STK39: variants seen among roughly 807,000 people sequenced by gnomAD.
The protein encoded by STK39 is STE20/SPS1-related proline-alanine-rich protein kinase.
In STK39, 20 loss-of-function variants were observed where a neutral mutation model predicts 77.8. The observed-to-expected ratio is 0.26, with a 90% CI of 0.18 to 0.37. The LOEUF is 0.37. Ranked by LOEUF, STK39 falls within the 10% of genes least tolerant of loss-of-function variation. The probability of loss-of-function intolerance (pLI) is 1.00; values close to 1 mark genes in which losing one functional copy is unlikely to be tolerated. For synonymous variants in STK39, 246 were observed against 234.1 expected, an observed-to-expected ratio of 1.05 and a Z score of -0.47; for missense variants, 479 against 656.5, an observed-to-expected ratio of 0.73 and a Z score of 2.95.
chr2:167,958,676 T>C (rs1691851978), intron 17 of STK39, among the ~76,000 whole-genome samples: 1 of 152,212 alleles, frequency 6.6e-6, no homozygotes, highest in Non-Finnish European at 1.5e-5. Flanking sequence ...GGAAGAGTAT[T>C]TTGATAGCTT....
chr2:168,176,390 G>T (rs12613885), intron 2 of STK39, among the ~76,000 whole-genome samples: 20,561 of 151,928 alleles, frequency 0.14, 1,717 homozygotes, highest in East Asian at 0.24. Flanking sequence ...AATTTAAAAA[G>T]GATGAGAGCA....
chr2:168,140,903 A>C (rs1222549453), intron 5 of STK39, 145 bp from the exon 6 acceptor site: 1 of 633,304 alleles, frequency 1.6e-6, no homozygotes, highest in African/African-American at 1.9e-5. Flanking sequence ...CTCAGGAAAA[A>C]AAAGGAAGAC....
chr2:167,991,812 T>C (rs2105283551), intron 16 of STK39, among the ~76,000 whole-genome samples: 1 of 152,296 alleles, frequency 6.6e-6, no homozygotes, highest in African/African-American at 2.4e-5. Flanking sequence ...TGATCTTGTA[T>C]TAAACCTTTA....
At chr2:168,234,332 TA>T (rs1281890241) in intron 1 of STK39, among the ~76,000 whole-genome samples, 2 of 152,238 alleles carry the variant, frequency 1.3e-5, no homozygotes, top group Non-Finnish European at 2.9e-5. Context: ...GTGGCCAGTG[TA>T]ACCGAAGGAC....
intron 4 of STK39, 34 bp from the exon 5 acceptor site, chr2:168,161,876 G>C: frequency 6.5e-7 from 1 of 1,535,404 alleles, no homozygotes; most frequent in East Asian, 2.3e-5. Flanking sequence ...TAAATTGTAG[G>C]GTACAGACTT....
At chr2:167,960,562 T>C (rs1691924580) in intron 17 of STK39, among the ~76,000 whole-genome samples, 1 of 152,150 alleles carries the variant, frequency 6.6e-6, no homozygotes, top group Non-Finnish European at 1.5e-5. Context: ...AGGGACCTAA[T>C]GTGACAGCGT....
intron 4 of STK39, 40 bp downstream of exon 4, chr2:168,163,699 T>C: frequency 6.2e-7 from 1 of 1,612,672 alleles, no homozygotes; most frequent in Middle Eastern, 1.7e-4. Context: ...CTCTTTAAGA[T>C]ATGAACATCT....
chr2:168,070,692 G>A (rs541702132), intron 12 of STK39, among the ~76,000 whole-genome samples: 10 of 149,452 alleles, frequency 6.7e-5, no homozygotes, highest in African/African-American at 1.7e-4. Context: ...GAGAACATGC[G>A]GTGTTTGGTT....
chr2:167,985,394 A>G (rs560058801), intron 16 of STK39, among the ~76,000 whole-genome samples: 63 of 152,322 alleles, frequency 4.1e-4, no homozygotes, highest in African/African-American at 1.4e-3. Context: ...TAGCAGTGGA[A>G]AAGCAGCTTG....
chr2:168,085,902 C>T (rs778602741), intron 10 of STK39, among the ~76,000 whole-genome samples: 18 of 152,294 alleles, frequency 1.2e-4, no homozygotes, highest in South Asian at 6.2e-4. Context: ...GAATACTCAA[C>T]GGTTGAAGTC....
chr2:168,073,544 CACA>C (rs1348481030), intron 12 of STK39, among the ~76,000 whole-genome samples: 2 of 152,134 alleles, frequency 1.3e-5, no homozygotes, highest in South Asian at 2.1e-4. Flanking sequence ...GAAAACTTAG[CACA>C]ACATCTGTGT....
chr2:168,226,506 C>T lies in STK39; in HGVS notation c.208+20722G>A, dbSNP rs146260399. 5.9e-4 allele frequency among the ~76,000 whole-genome samples: 90 copies of T among 152,286 alleles called. 1 individual carries two copies. The East Asian group carries it at 6.2e-3, about 10-fold the overall frequency. On this transcript the variant is annotated intron_variant, in intron 1 of 17. Transcript: ENST00000355999. The stretch of plus-strand genomic sequence containing the variant: ...TCAAAAAAATCTTTCCATAAATTTG[C>T]TCATACAAATAAACTTCATCACACT...
intron 17 of STK39, among the ~76,000 whole-genome samples, chr2:167,956,682 A>ACACACACACACACACACT (rs1691778120): frequency 2.3e-5 from 1 of 42,856 alleles, no homozygotes; most frequent in South Asian, 6.6e-4. Context: ...ACACACACAC[A>ACACACACACACACACACT]CACACACACA....
chr2:168,110,340 C>T (rs1287242953), intron 10 of STK39, among the ~76,000 whole-genome samples: 2 of 152,176 alleles, frequency 1.3e-5, no homozygotes, highest in African/African-American at 4.8e-5. Flanking sequence ...TCAAGCAATC[C>T]TCCTTCCTCA....
intron 14 of STK39, among the ~76,000 whole-genome samples, chr2:168,021,543 C>G (rs1017195020): frequency 6.6e-6 from 1 of 152,108 alleles, no homozygotes; most frequent in South Asian, 2.1e-4. Flanking sequence ...TGGCACAGGA[C>G]ACTCTTGATT....
chr2:168,070,413 T>G (rs1005600244), intron 12 of STK39, among the ~76,000 whole-genome samples: 1 of 152,062 alleles, frequency 6.6e-6, no homozygotes, highest in African/African-American at 2.4e-5. Context: ...AATTATTAAT[T>G]ACTAGTGGGT....
intron 10 of STK39, among the ~76,000 whole-genome samples, chr2:168,082,420 A>G (rs1421160643): frequency 1.3e-5 from 2 of 152,320 alleles, no homozygotes; most frequent in African/African-American, 4.8e-5. Flanking sequence ...TGTCCCTACT[A>G]GGCCACCAAT....
At chr2:167,987,346 C>T (rs923904089) in intron 16 of STK39, among the ~76,000 whole-genome samples, 10 of 152,070 alleles carry the variant, frequency 6.6e-5, no homozygotes, top group Admixed American at 3.3e-4. Context: ...GATGCATATA[C>T]TCGGAAGCTT....
chr2:168,123,101 G>T (rs1347754328), intron 10 of STK39, among the ~76,000 whole-genome samples: 1 of 152,192 alleles, frequency 6.6e-6, no homozygotes, highest in Admixed American at 6.5e-5. Context: ...ATCAAAGAGT[G>T]CATAAACTGA....
Sources: gnomAD v4.1 joint callset for allele counts (sites outside exome capture counted in the v4.1 genomes callset) on GRCh38, gnomAD v4.1.1 for gene constraint, MANE v1.5 for transcripts, NCBI Gene and HGNC (gene_info 2026-07-23, HGNC 2026-07-21) for gene names.